The following RASGEF1B variants were observed in gnomAD, a reference collection of about 807,000 sequenced individuals.
RASGEF1B encodes RasGEF domain family member 1B, also known as ras-GEF domain-containing family member 1B.
Under a neutral mutation model 65.7 loss-of-function variants are expected in RASGEF1B, and 30 were observed. That is an observed-to-expected ratio of 0.46 (90% CI 0.34 to 0.62). The LOEUF (loss-of-function observed/expected upper bound fraction) is 0.62. RASGEF1B is among the 20% of genes least tolerant of loss of function. RASGEF1B has a pLI of 0.01. For missense variants in RASGEF1B, 495 were observed against 580.1 expected, an observed-to-expected ratio of 0.85 and a Z score of 1.51; for synonymous variants, 175 against 194.8, an observed-to-expected ratio of 0.90 and a Z score of 0.85.
chr4:81,442,705 G>A (rs1297969678), intron 8 of RASGEF1B, among the ~76,000 whole-genome samples: 3 of 152,172 alleles, frequency 2.0e-5, no homozygotes, highest in Non-Finnish European at 4.4e-5. Context: ...ATCCAGTTAT[G>A]TAGATAACTA....
At chr4:81,441,268 G>A (rs771555960) in intron 9 of RASGEF1B, among the ~76,000 whole-genome samples, 14 of 152,226 alleles carry the variant, frequency 9.2e-5, no homozygotes, top group South Asian at 2.1e-4. Context: ...CAACGGGCCC[G>A]TTGATGGTTA....
intron 9 of RASGEF1B, 130 bp downstream of exon 9, chr4:81,442,167 T>C: frequency 1.5e-6 from 1 of 665,118 alleles, no homozygotes; most frequent in Non-Finnish European, 2.7e-6. Context: ...CACTTTCCTT[T>C]CCCTGGGTCT....
At chr4:81,430,299 T>TCAAA (rs759206728) in intron 13 of RASGEF1B, among the ~76,000 whole-genome samples, 34 of 152,220 alleles carry the variant, frequency 2.2e-4, no homozygotes, top group Non-Finnish European at 3.7e-4. Context: ...AGACTTCGTC[T>TCAAA]CAAACAAACA....
chr4:81,432,462 C>T, intron 12 of RASGEF1B, 91 bp from the exon 13 acceptor site: 2 of 756,348 alleles, frequency 2.6e-6, no homozygotes, highest in Non-Finnish European at 4.6e-6. Flanking sequence ...AGCCAAACTC[C>T]ATAGCAAAAT....
intron 1 of RASGEF1B, among the ~76,000 whole-genome samples, chr4:81,463,045 A>C (rs1722700705): frequency 6.6e-6 from 1 of 152,216 alleles, no homozygotes; most frequent in Admixed American, 6.5e-5. Context: ...ATTACACTAC[A>C]TTATGATATG....
chr4:81,452,452 G>A (rs1218690545), intron 4 of RASGEF1B: 1 of 152,212 alleles, frequency 6.6e-6, no homozygotes, highest in African/African-American at 2.4e-5. Flanking sequence ...AAGAGGCAGA[G>A]GAATGTATAA....
At position 81,463,498 on chromosome 4, in the gene RASGEF1B, G is replaced by A. The variant is rs117502970; in HGVS notation, c.-6-3984C>T. On this transcript the variant is annotated intron_variant, in intron 1 of 13. Transcript: ENST00000264400. ...GCTTGTGTGTACTTTATAGATTTCCGGCAAAAAAAATTTAATGAAAGAAAT... is the reference window on the plus strand; with the variant it reads ...GCTTGTGTGTACTTTATAGATTTCCAGCAAAAAAAATTTAATGAAAGAAAT... Among the ~76,000 whole-genome samples, 543 of 152,040 alleles carry A rather than the reference G, an allele frequency of 3.6e-3. 9 individuals are homozygous for A. Among genetic ancestry groups the A allele is most frequent in the East Asian group, 0.022 (115 of 5,164 alleles).
intron 6 of RASGEF1B, among the ~76,000 whole-genome samples, chr4:81,447,148 T>C (rs1722055767): frequency 6.6e-6 from 1 of 152,202 alleles, no homozygotes; most frequent in African/African-American, 2.4e-5. Flanking sequence ...TATTGTTGAA[T>C]TATGGGCAGA....
At chr4:81,435,196 G>A (rs535036703) in intron 10 of RASGEF1B, among the ~76,000 whole-genome samples, 1 of 151,906 alleles carries the variant, frequency 6.6e-6, no homozygotes, top group African/African-American at 2.4e-5. Context: ...TGGATCATGA[G>A]GTCAGGAGAT....
At chr4:81,452,140 C>T (rs1722281713) in intron 4 of RASGEF1B, 1 of 152,498 alleles carries the variant, frequency 6.6e-6, no homozygotes, top group Non-Finnish European at 1.5e-5. Context: ...GGCGGAGTTT[C>T]ACTCTTGTTG....
chr4:81,431,530 A>C (rs1037706836), intron 13 of RASGEF1B, among the ~76,000 whole-genome samples: 2 of 152,140 alleles, frequency 1.3e-5, no homozygotes, highest in Non-Finnish European at 2.9e-5. Context: ...CACAAAACCA[A>C]GTATATCTTA....
chr4:81,460,600 A>T (rs1034578544), intron 1 of RASGEF1B, among the ~76,000 whole-genome samples: 2 of 152,176 alleles, frequency 1.3e-5, no homozygotes, highest in Non-Finnish European at 2.9e-5. Context: ...TCTAAGTCAC[A>T]TCCATCACTC....
At position 81,469,078 on chromosome 4, in the gene RASGEF1B, T is replaced by C. The variant is rs142494658; in HGVS notation, c.-7+2692A>G. 6.6e-5 allele frequency among the ~76,000 whole-genome samples: 10 copies of C among 152,290 alleles called. No homozygotes were observed. In the East Asian group the frequency reaches 1.9e-3, roughly 29 times the overall value. On this transcript the variant is annotated intron_variant, in intron 1 of 13. Coordinates refer to ENST00000264400, the MANE Select transcript of RASGEF1B (RefSeq NM_152545.3). ...TAACTGGAGAATCAAAAAGGACAAC[T>C]ATAGGTCTGAAAAAGTGAGGGGGGT...
At chr4:81,466,769 AAAAAGAAAGAAAGAAAG>A (rs772825258) in intron 1 of RASGEF1B, among the ~76,000 whole-genome samples, 26 of 132,902 alleles carry the variant, frequency 2.0e-4, no homozygotes, top group Middle Eastern at 3.6e-3. Flanking sequence ...AAAAAAAAAA[AAAAAGAAAGAAAGAAAG>A]AAAGAAAGAA....
intron 4 of RASGEF1B, chr4:81,454,088 G>A (rs77250889): frequency 6.6e-6 from 1 of 152,234 alleles, no homozygotes; most frequent in African/African-American, 2.4e-5. Flanking sequence ...ACTTCGCAAG[G>A]TTTCTATCAA....
intron 6 of RASGEF1B, among the ~76,000 whole-genome samples, chr4:81,446,329 T>C (rs1722022239): frequency 2.0e-5 from 3 of 152,202 alleles, no homozygotes; most frequent in Admixed American, 2.0e-4. Context: ...ACCGGGATCG[T>C]GCCACTGCAC....
At position 81,456,962 on chromosome 4, in the gene RASGEF1B, G is replaced by A. The variant is rs552322021; in HGVS notation, c.301-174C>T. On this transcript the variant is annotated intron_variant, in intron 3 of 13. Coordinates refer to ENST00000264400, the MANE Select transcript of RASGEF1B (RefSeq NM_152545.3). ...TGCCAAGTGCCACCAACTTAAGGCA[G>A]GACCTAGGGATTCTCCATTGCATTT... Among the ~76,000 whole-genome samples, 78 of 152,168 alleles carry A rather than the reference G, an allele frequency of 5.1e-4. No individual in the cohort carries two copies. In the South Asian group the frequency reaches 9.1e-3, roughly 18 times the overall value.
At position 81,445,789 on chromosome 4, in the gene RASGEF1B, T is replaced by C. The variant is rs1306541668; in HGVS notation, c.779A>G (p.Glu260Gly). 6.2e-7 allele frequency: 1 copy of C among 1,614,026 alleles called. No homozygotes were observed. Among genetic ancestry groups the C allele is most frequent in the Non-Finnish European group, 8.5e-7 (1 of 1,180,008 alleles). ...KKTRNLEAYV[E>G]WFNRLSYLVA... ...CAAGTAGCTGAGGCGATTAAACCAT[T>C]CCACGTAAGCTTCTAAGTTTCGTGT... is the stretch of plus-strand genomic sequence containing the variant. Residue 260 changes from glutamate (E) to glycine (G), a missense_variant, in exon 7 of 14, where the codon GAA (glutamate) becomes GGA (glycine). Coordinates refer to ENST00000264400, the MANE Select transcript of RASGEF1B (RefSeq NM_152545.3).
chr4:81,459,559 A>G, intron 1 of RASGEF1B, 45 bp from the exon 2 acceptor site: 10 of 1,414,854 alleles, frequency 7.1e-6, no homozygotes, highest in Non-Finnish European at 6.7e-6. Context: ...AGCAATATGC[A>G]GTATGAAAAT....
Sources: gnomAD v4.1 joint callset for allele counts (sites outside exome capture counted in the v4.1 genomes callset) on GRCh38, gnomAD v4.1.1 for gene constraint, MANE v1.5 for transcripts, NCBI Gene and HGNC (gene_info 2026-07-23, HGNC 2026-07-21) for gene names.